The following RHOA variants were observed in gnomAD, a reference collection of about 807,000 sequenced individuals.
RHOA encodes ras homolog family member A.
RHOA carries 3 observed loss-of-function variants against 17.5 expected under a neutral mutation model. The observed-to-expected ratio is 0.17, with a 90% CI of 0.08 to 0.44. The LOEUF is 0.44. Among genes scored for constraint, RHOA ranks in the 20% least tolerant of loss-of-function variants. The probability of loss-of-function intolerance (pLI) is 0.99; values close to 1 mark genes in which losing one functional copy is unlikely to be tolerated. For missense variants in RHOA, 56 were observed against 242.3 expected (o/e 0.23, Z 5.10); for synonymous variants, 98 against 88.4 (o/e 1.11, Z -0.61).
At chr3:49,365,035 G>A (rs1033234848) in intron 3 of RHOA, 2 of 151,360 alleles carry the variant, frequency 1.3e-5, no homozygotes, top group African/African-American at 4.9e-5. Flanking sequence ...CTCTACAAAT[G>A]TTATTTGTAA....
intron 1 of RHOA, among the ~76,000 whole-genome samples, chr3:49,389,694 C>T (rs778711564): frequency 6.6e-5 from 10 of 152,142 alleles, no homozygotes; most frequent in African/African-American, 1.2e-4. Context: ...GTAATCCCAG[C>T]ACTTTGGGAG....
At chr3:49,405,138 G>C (rs1282118926) in intron 1 of RHOA, among the ~76,000 whole-genome samples, 1 of 149,542 alleles carries the variant, frequency 6.7e-6, no homozygotes, top group Non-Finnish European at 1.5e-5. Context: ...GGCACCTGTA[G>C]TCTCAGCTAC....
At chr3:49,404,299 T>C (rs2048775229) in intron 1 of RHOA, among the ~76,000 whole-genome samples, 1 of 9,370 alleles carries the variant, frequency 1.1e-4, no homozygotes, top group Admixed American at 2.3e-3. Context: ...CAAGACCTTA[T>C]CTCTCCAAAA....
Position 49,404,433 on chromosome 3 carries a change from A to ACACAC in RHOA, c.-3+7386_-3+7387insGTGTG, listed in dbSNP as rs1553636256. ...CAAAGTAAAACCCCGTCTCTAGTAAAACACACACACACACACACACACACA... is the reference window on the plus strand; with the variant it reads ...CAAAGTAAAACCCCGTCTCTAGTAAACACACACACACACACACACACACACACACA... On this transcript the variant is annotated intron_variant, in intron 1 of 4. Transcript: ENST00000418115. 1.5e-4 allele frequency among the ~76,000 whole-genome samples: 14 copies of ACACAC among 90,760 alleles called. 1 individual carries two copies. In the East Asian group the frequency reaches 7.1e-3, roughly 46 times the overall value. 59.5% of individuals were successfully genotyped at this position (90,760 alleles called of 152,430 possible).
chr3:49,384,956 G>A (rs1056480909), intron 1 of RHOA, among the ~76,000 whole-genome samples: 4 of 151,748 alleles, frequency 2.6e-5, no homozygotes, highest in Admixed American at 1.3e-4. Flanking sequence ...CCAGCTACTC[G>A]GGAGGCTGAG....
chr3:49,396,309 C>T (rs1255183258), intron 1 of RHOA, among the ~76,000 whole-genome samples: 2 of 152,150 alleles, frequency 1.3e-5, no homozygotes, highest in Admixed American at 6.6e-5. Flanking sequence ...CCTGGTGGCT[C>T]ACGCCTGTAA....
chr3:49,404,737 TGGGCAA>T (rs2048793417), intron 1 of RHOA, among the ~76,000 whole-genome samples: 1 of 142,762 alleles, frequency 7.0e-6, no homozygotes, highest in African/African-American at 2.7e-5. Context: ...GAGACCAGCC[TGGGCAA>T]CATGGTTAAA....
intron 1 of RHOA, among the ~76,000 whole-genome samples, chr3:49,387,484 C>T (rs1158166684): frequency 4.7e-5 from 7 of 147,370 alleles, no homozygotes; most frequent in Non-Finnish European, 8.9e-5. Flanking sequence ...GTGGCTCATG[C>T]CTGTAATCCC....
At chr3:49,370,923 C>T (rs1196059146) in intron 2 of RHOA, among the ~76,000 whole-genome samples, 1 of 152,186 alleles carries the variant, frequency 6.6e-6, no homozygotes, top group Non-Finnish European at 1.5e-5. Context: ...CTTCCACCCC[C>T]GAACTTTTGC....
rs1158913040 is a variant in RHOA at position 49,359,226 on chromosome 3, G to A, written c.*983C>T. ...AAAGTTTAGTCAGCTGGAGAGAAGAGAGACTGAGTGCCACCCATGAGAACT... is the reference window on the plus strand; with the variant it reads ...AAAGTTTAGTCAGCTGGAGAGAAGAAAGACTGAGTGCCACCCATGAGAACT... On this transcript the variant is annotated 3_prime_UTR_variant, in exon 5 of 5. Transcript: ENST00000418115. The A allele has an allele frequency of 5.2e-6, 1 of 191,318 alleles. No individual in the cohort carries two copies. Among genetic ancestry groups the A allele is most frequent in the South Asian group, 1.9e-4 (1 of 5,150 alleles). 11.9% of individuals were successfully genotyped at this position (191,318 alleles called of 1,614,324 possible). A position where few individuals can be genotyped will look rare whatever the true frequency, so the allele number is the denominator to read the frequency against.
chr3:49,405,251 G>A (rs1280406005), intron 1 of RHOA, among the ~76,000 whole-genome samples: 1 of 123,336 alleles, frequency 8.1e-6, no homozygotes, highest in African/African-American at 3.4e-5. Flanking sequence ...GAGCGAGACT[G>A]TGTCTCAAAA....
At chr3:49,376,175 G>A (rs1176182440) in intron 1 of RHOA, among the ~76,000 whole-genome samples, 1 of 151,984 alleles carries the variant, frequency 6.6e-6, no homozygotes, top group Non-Finnish European at 1.5e-5. Context: ...GGATACTGGA[G>A]GTCCTAGCCA....
chr3:49,360,964 T>G (rs1413407735), intron 4 of RHOA: 1 of 339,256 alleles, frequency 2.9e-6, no homozygotes, highest in African/African-American at 2.3e-5. Flanking sequence ...CCCCAGCTAC[T>G]CAGGAGGCTG....
chr3:49,394,703 G>C (rs780375224), intron 1 of RHOA, among the ~76,000 whole-genome samples: 5 of 152,160 alleles, frequency 3.3e-5, no homozygotes, highest in African/African-American at 4.8e-5. Context: ...TAGAGATACA[G>C]CTTTATCTGG....
chr3:49,409,091 A>AG (rs1159116792), intron 1 of RHOA, among the ~76,000 whole-genome samples: 1,743 of 149,872 alleles, frequency 0.012, 32 homozygotes, highest in African/African-American at 0.041. Context: ...CCCTGCCAGG[A>AG]TCCTTTTAAA....
chr3:49,389,008 A>G (rs2048449704), intron 1 of RHOA, among the ~76,000 whole-genome samples: 1 of 152,170 alleles, frequency 6.6e-6, no homozygotes, highest in Non-Finnish European at 1.5e-5. Flanking sequence ...GTTTCATACC[A>G]TATTTGTATG....
chr3:49,397,518 A>T (rs565155187), intron 1 of RHOA, among the ~76,000 whole-genome samples: 105 of 152,020 alleles, frequency 6.9e-4, no homozygotes, highest in African/African-American at 9.2e-4. Flanking sequence ...TTGTTTTTTT[A>T]AAAAAAATAA....
intron 1 of RHOA, among the ~76,000 whole-genome samples, chr3:49,379,900 G>A (rs746184108): frequency 1.3e-5 from 2 of 152,170 alleles, no homozygotes; most frequent in Admixed American, 6.5e-5. Flanking sequence ...CACCACTCTC[G>A]CCCCCAGTGG....
chr3:49,395,582 G>A lies in RHOA; in HGVS notation c.-3+16238C>T, dbSNP rs568857201. ...ACAAAAATTAGCCAGGCGTGGTGGT[G>A]GGCGCCTATAATTTCAGCTACTCGG... is the stretch of plus-strand genomic sequence containing the variant. On this transcript the variant is annotated intron_variant, in intron 1 of 4. Transcript: ENST00000418115. Among the ~76,000 whole-genome samples, 7 of 151,366 alleles carry A rather than the reference G, an allele frequency of 4.6e-5. No homozygotes were observed. The South Asian group carries it at 1.5e-3, about 32-fold the overall frequency.
Sources: allele counts gnomAD v4.1 joint callset (sites outside exome capture counted in the v4.1 genomes callset), GRCh38; gene constraint gnomAD v4.1.1; transcripts MANE v1.5; gene names NCBI Gene and HGNC (gene_info 2026-07-23, HGNC 2026-07-21).